TTC17: variants seen among roughly 807,000 people sequenced by gnomAD.
The protein encoded by TTC17 is tetratricopeptide repeat protein 17.
TTC17 carries 58 observed loss-of-function variants against 143.8 expected under a neutral mutation model. The observed-to-expected ratio is 0.40, with a 90% CI of 0.33 to 0.50. The LOEUF is 0.50. Ranked by LOEUF, TTC17 falls within the 20% of genes least tolerant of loss-of-function variation. The probability of loss-of-function intolerance (pLI) is 0.49; values close to 1 mark genes in which losing one functional copy is unlikely to be tolerated. For synonymous variants in TTC17, 501 were observed against 497.8 expected, an observed-to-expected ratio of 1.01 and a Z score of -0.09; for missense variants, 1,273 against 1,392.5, an observed-to-expected ratio of 0.91 and a Z score of 1.37.
chr11:43,491,872 C>T, intron 22 of TTC17, 148 bp from the exon 23 acceptor site: 2 of 918,456 alleles, frequency 2.2e-6, no homozygotes, highest in Non-Finnish European at 3.3e-6. Context: ...TATCACAGAC[C>T]AGTAGCAAAC....
At chr11:43,403,404 G>A (rs778534154) in intron 10 of TTC17, among the ~76,000 whole-genome samples, 40 of 152,062 alleles carry the variant, frequency 2.6e-4, no homozygotes, top group Non-Finnish European at 4.6e-4. Context: ...TATCTAGCAA[G>A]GTTTCAGAAA....
At chr11:43,462,335 G>A (rs1391031919) in intron 21 of TTC17, among the ~76,000 whole-genome samples, 1 of 152,142 alleles carries the variant, frequency 6.6e-6, no homozygotes, top group Non-Finnish European at 1.5e-5. Flanking sequence ...GAGATGGAGC[G>A]ATTATCCTGG....
intron 1 of TTC17, chr11:43,359,419 G>A: frequency 2.9e-6 from 1 of 348,038 alleles, no homozygotes; most frequent in Non-Finnish European, 5.3e-6. Context: ...TTAGCTCGGG[G>A]TTTAGAAATC....
At chr11:43,482,044 C>T (rs1948297112) in intron 21 of TTC17, among the ~76,000 whole-genome samples, 1 of 151,844 alleles carries the variant, frequency 6.6e-6, no homozygotes, top group Non-Finnish European at 1.5e-5. Flanking sequence ...TCCTGAGCTC[C>T]AGTGATCCAC....
At chr11:43,411,165 G>A (rs989348287) in intron 15 of TTC17, among the ~76,000 whole-genome samples, 6 of 152,262 alleles carry the variant, frequency 3.9e-5, no homozygotes, top group African/African-American at 1.4e-4. Context: ...GGTCCTACAT[G>A]ACCTTGTTAC....
chr11:43,462,918 A>ATTTTTTTTTTTTTTTTTTTTTTTTTT (rs1369564202), intron 21 of TTC17, among the ~76,000 whole-genome samples: 5 of 95,318 alleles, frequency 5.2e-5, no homozygotes, highest in African/African-American at 2.4e-4. Flanking sequence ...CAGTGACAAA[A>ATTTTTTTTTTTTTTTTTTTTTTTTTT]TTCTTTTTTT....
At chr11:43,481,342 T>C (rs1948283514) in intron 21 of TTC17, among the ~76,000 whole-genome samples, 1 of 152,190 alleles carries the variant, frequency 6.6e-6, no homozygotes, top group South Asian at 2.1e-4. Flanking sequence ...ATGAGGGATA[T>C]TGGTCTGTGG....
rs1171420420 is a variant in TTC17, at chr11:43,492,155, G to A, written c.3286G>A (p.Val1096Met). The A allele has an allele frequency of 1.1e-5, 18 of 1,613,866 alleles. No individual in the cohort carries two copies. The highest frequency in any genetic ancestry group is 1.5e-5 in the Non-Finnish European group (18 of 1,179,938). Residue 1096 changes from valine to methionine, a missense_variant, in exon 23 of 24, where the codon GTG becomes ATG. Transcript: ENST00000039989. ...CCACTTCACTCTGGGCAATGTCTAC[G>A]TGGCAATGGTGAGATGGGGGTGTGA... ...VNHFTLGNVYVAMEEFEKALV... is the reference protein window; with the variant it reads ...VNHFTLGNVYMAMEEFEKALV...
chr11:43,418,323 A>G (rs1025101696), intron 16 of TTC17, among the ~76,000 whole-genome samples: 3 of 152,174 alleles, frequency 2.0e-5, no homozygotes, highest in Non-Finnish European at 4.4e-5. Flanking sequence ...AGGTAGTTTT[A>G]TATCACTACC....
At chr11:43,374,007 T>C (rs1856669451) in intron 1 of TTC17, among the ~76,000 whole-genome samples, 1 of 152,206 alleles carries the variant, frequency 6.6e-6, no homozygotes, top group Admixed American at 6.5e-5. Context: ...CATCAGTGAA[T>C]GATAATGCTT....
intron 3 of TTC17, among the ~76,000 whole-genome samples, chr11:43,390,617 A>AAAAAAAT (rs1180351139): frequency 3.3e-5 from 5 of 151,498 alleles, no homozygotes; most frequent in Non-Finnish European, 7.4e-5. Flanking sequence ...CTCCGTCTCA[A>AAAAAAAT]AAAAAATAAA....
chr11:43,437,484 T>C (rs1947318554), intron 16 of TTC17, among the ~76,000 whole-genome samples: 1 of 152,228 alleles, frequency 6.6e-6, no homozygotes, highest in Admixed American at 6.5e-5. Context: ...ACAACCACTG[T>C]TAACTAACTT....
intron 21 of TTC17, among the ~76,000 whole-genome samples, chr11:43,477,528 C>T (rs1179960321): frequency 6.6e-6 from 1 of 152,210 alleles, no homozygotes; most frequent in Non-Finnish European, 1.5e-5. Flanking sequence ...ATACTTCTTA[C>T]ATGGTGGTGG....
At chr11:43,400,385 T>G (rs1164239754) in intron 9 of TTC17, among the ~76,000 whole-genome samples, 3 of 152,160 alleles carry the variant, frequency 2.0e-5, no homozygotes, top group African/African-American at 7.2e-5. Context: ...AAATGCAGAT[T>G]ATGATTCAGT....
chr11:43,492,013 C>T lies in TTC17; in HGVS notation c.3151-7C>T, dbSNP rs763910980. 1.9e-6 allele frequency: 3 copies of T among 1,612,376 alleles called. No individual in the cohort carries two copies. Among genetic ancestry groups the T allele is most frequent in the Admixed American group, 1.7e-5 (1 of 59,698 alleles). On this transcript the variant is annotated splice_polypyrimidine_tract_variant and splice_region_variant and intron_variant, in intron 22 of 23. Transcript: ENST00000039989. ...TTCCCTTCTCACCATTCTCCTTCTT[C>T]TCCCAGGATGTGCCCCTGATTAGCC... is the stretch of plus-strand genomic sequence containing the variant.
chr11:43,457,290 A>G (rs1268905879), intron 21 of TTC17, among the ~76,000 whole-genome samples: 1 of 152,116 alleles, frequency 6.6e-6, no homozygotes, highest in Admixed American at 6.5e-5. Context: ...ACTTAACATT[A>G]TCAGGCAGGA....
chr11:43,446,296 A>C (rs1459818066), intron 18 of TTC17: 1 of 595,642 alleles, frequency 1.7e-6, no homozygotes, highest in Non-Finnish European at 2.3e-6. Flanking sequence ...CTTCCTTGTT[A>C]CCTTCAGGCA....
rs1326934704 is a variant in TTC17, at chr11:43,389,637, C to G, written c.250-15C>G. 6.3e-7 allele frequency: 1 copy of G among 1,597,378 alleles called. No individual in the cohort carries two copies. Among genetic ancestry groups the G allele is most frequent in the East Asian group, 2.2e-5 (1 of 44,526 alleles). ...ATTAGAAGAATCCATTCTGTTCTTA[C>G]TTTCTTCTCAACAGAAACAATTAGT... On this transcript the variant is annotated splice_polypyrimidine_tract_variant and intron_variant, in intron 2 of 23. Transcript: ENST00000039989.
intron 21 of TTC17, among the ~76,000 whole-genome samples, chr11:43,469,579 A>G (rs891924129): frequency 3.3e-5 from 5 of 152,218 alleles, no homozygotes; most frequent in Admixed American, 6.5e-5. Flanking sequence ...TTATTCTCAC[A>G]AAAGAAGTTG....
Sources: allele counts gnomAD v4.1 joint callset (sites outside exome capture counted in the v4.1 genomes callset), GRCh38; gene constraint gnomAD v4.1.1; transcripts MANE v1.5; gene names NCBI Gene and HGNC (gene_info 2026-07-23, HGNC 2026-07-21).